Variants in FRMD6 observed in about 807,000 individuals in gnomAD.
FRMD6 encodes FERM domain containing 6.
Under a neutral mutation model 73.2 loss-of-function variants are expected in FRMD6, and 37 were observed. The ratio of observed to expected loss-of-function variants is 0.51; its 90% CI spans 0.39 to 0.66. The LOEUF is 0.66. FRMD6 is among the 30% of genes least tolerant of loss of function. The pLI is 0.00. For missense variants in FRMD6, 714 were observed against 780.5 expected, an observed-to-expected ratio of 0.91 and a Z score of 1.02; for synonymous variants, 273 against 282.2, an observed-to-expected ratio of 0.97 and a Z score of 0.33.
chr14:51,705,532 A>T (rs897551540), intron 6 of FRMD6, among the ~76,000 whole-genome samples: 10 of 151,742 alleles, frequency 6.6e-5, no homozygotes, highest in Non-Finnish European at 1.5e-4. Flanking sequence ...CCCCAAAGTA[A>T]CTCTTCTTCA....
the FRMD6 span, among the ~76,000 whole-genome samples, chr14:51,474,015 G>A: frequency 9.9e-5 from 15 of 152,012 alleles, no homozygotes; most frequent in African/African-American, 1.9e-4. Context: ...AAAACCCTAC[G>A]AAATCTATTT....
At chr14:51,678,774 G>T (rs1433502533) in intron 1 of FRMD6, among the ~76,000 whole-genome samples, 1 of 134,122 alleles carries the variant, frequency 7.5e-6, no homozygotes, top group Non-Finnish European at 1.5e-5. Context: ...ATGCTTCACA[G>T]ACCAGCATCT....
chr14:51,642,740 A>T (rs1184691250), intron 2 of FRMD6, among the ~76,000 whole-genome samples: 1 of 152,180 alleles, frequency 6.6e-6, no homozygotes, highest in Non-Finnish European at 1.5e-5. Context: ...GCATGGTGAG[A>T]TGTTAAATAT....
chr14:51,698,524 A>G (rs546740554), intron 3 of FRMD6, among the ~76,000 whole-genome samples: 6 of 152,084 alleles, frequency 3.9e-5, no homozygotes, highest in Non-Finnish European at 4.4e-5. Context: ...TGTTTTAATG[A>G]AGCAAGCTTG....
chr14:51,503,612 C>T (rs576876043), intron 1 of FRMD6, among the ~76,000 whole-genome samples: 9 of 151,438 alleles, frequency 5.9e-5, no homozygotes, highest in East Asian at 5.8e-4. Context: ...CTGCTGGATT[C>T]GGTTTGCCAG....
At chr14:51,569,207 G>T (rs768172407) in intron 1 of FRMD6, among the ~76,000 whole-genome samples, 41 of 152,258 alleles carry the variant, frequency 2.7e-4, no homozygotes, top group African/African-American at 9.9e-4. Flanking sequence ...CTACACAGAC[G>T]TGCCTCTCAG....
chr14:51,680,475 ACTGT>A (rs1281744668), intron 1 of FRMD6, among the ~76,000 whole-genome samples: 3 of 152,198 alleles, frequency 2.0e-5, no homozygotes, highest in Non-Finnish European at 4.4e-5. Context: ...AAGAGTATAA[ACTGT>A]CTAAGGGCTA....
chr14:51,583,364 G>A (rs1250828991), intron 2 of FRMD6, among the ~76,000 whole-genome samples: 1 of 152,120 alleles, frequency 6.6e-6, no homozygotes, highest in Admixed American at 6.5e-5. Context: ...TCCCTTGCCA[G>A]GACACAAAGT....
chr14:51,726,345 A>G (rs936118163), intron 13 of FRMD6, among the ~76,000 whole-genome samples: 1 of 152,202 alleles, frequency 6.6e-6, no homozygotes, highest in African/African-American at 2.4e-5. Context: ...TATAGATAAA[A>G]TACTCTGAAA....
At chr14:51,540,196 G>T (rs922357714) in intron 1 of FRMD6, among the ~76,000 whole-genome samples, 2 of 152,060 alleles carry the variant, frequency 1.3e-5, no homozygotes, top group African/African-American at 4.8e-5. Context: ...TAGCTCAGGG[G>T]CCAAAAAAAT....
At chr14:51,464,409 C>G in the FRMD6 span, among the ~76,000 whole-genome samples, 18 of 151,646 alleles carry the variant, frequency 1.2e-4, no homozygotes, top group Admixed American at 1.1e-3. Flanking sequence ...AAAAAAAAAT[C>G]AGAGGAGAGG....
At position 51,545,588 on chromosome 14, in the gene FRMD6, T is replaced by C. The variant is rs925801847; in HGVS notation, c.-209-24760T>C. ...AACTGTCAATCTGGCTTCCCTCTCA[T>C]CCCCCAGAGCCATTTTACCAGCACA... is the stretch of plus-strand genomic sequence containing the variant. On this transcript the variant is annotated intron_variant, in intron 1 of 14. Transcript: ENST00000356218. 5.9e-5 allele frequency among the ~76,000 whole-genome samples: 9 copies of C among 152,072 alleles called. No homozygotes were observed. The South Asian group carries it at 1.9e-3, about 32-fold the overall frequency.
intron 1 of FRMD6, among the ~76,000 whole-genome samples, chr14:51,656,118 T>C (rs1892802669): frequency 6.6e-6 from 1 of 152,246 alleles, no homozygotes; most frequent in African/African-American, 2.4e-5. Context: ...TTCTCATTAC[T>C]TTATGCGATT....
At chr14:51,580,728 T>C (rs1343089843) in intron 2 of FRMD6, among the ~76,000 whole-genome samples, 2 of 152,206 alleles carry the variant, frequency 1.3e-5, no homozygotes, top group Non-Finnish European at 2.9e-5. Context: ...CAGGACTATA[T>C]AATGGGTAAA....
chr14:51,518,223 G>C (rs1884744828), intron 1 of FRMD6, among the ~76,000 whole-genome samples: 1 of 152,132 alleles, frequency 6.6e-6, no homozygotes, highest in African/African-American at 2.4e-5. Context: ...GTACCATGAA[G>C]TATATACTGT....
chr14:51,576,579 C>G (rs892064310), intron 2 of FRMD6, among the ~76,000 whole-genome samples: 1 of 152,118 alleles, frequency 6.6e-6, no homozygotes, highest in Admixed American at 6.5e-5. Flanking sequence ...TTTTGGTCCC[C>G]CATGAGTGGA....
At chr14:51,409,508 T>C in the FRMD6 span, among the ~76,000 whole-genome samples, 1 of 152,176 alleles carries the variant, frequency 6.6e-6, no homozygotes, top group Non-Finnish European at 1.5e-5. Flanking sequence ...ATATCATCTT[T>C]ACTCCTCTAA....
chr14:51,461,541 G>A, the FRMD6 span, among the ~76,000 whole-genome samples: 1 of 152,196 alleles, frequency 6.6e-6, no homozygotes, highest in Non-Finnish European at 1.5e-5. Context: ...AATAATACCT[G>A]AATGTCAATT....
chr14:51,690,035 G>C (rs1421110317), intron 2 of FRMD6, 100 bp downstream of exon 2: 3 of 801,912 alleles, frequency 3.7e-6, no homozygotes, highest in Non-Finnish European at 6.5e-6. Context: ...TACAGAATTA[G>C]GGCAGTAATC....
Sources: allele counts gnomAD v4.1 joint callset (sites outside exome capture counted in the v4.1 genomes callset), GRCh38; gene constraint gnomAD v4.1.1; transcripts MANE v1.5; gene names NCBI Gene and HGNC (gene_info 2026-07-23, HGNC 2026-07-21).